Variants in ZNF664 observed in about 807,000 individuals in gnomAD.
ZNF664 encodes zinc finger Organ of Corti 1.
ZNF664 carries 10 observed loss-of-function variants against 18.2 expected under a neutral mutation model. The ratio of observed to expected loss-of-function variants is 0.55; its 90% CI spans 0.34 to 0.93. ZNF664 has a LOEUF of 0.93. ZNF664 is among the 40% of genes least tolerant of loss of function. ZNF664 has a pLI of 0.02. For synonymous variants in ZNF664, 119 were observed against 104.2 expected, an observed-to-expected ratio of 1.14 and a Z score of -0.86; for missense variants, 193 against 319.0, an observed-to-expected ratio of 0.61 and a Z score of 3.01.
intron 3 of ZNF664, among the ~76,000 whole-genome samples, chr12:123,992,485 C>T (rs1231492784): frequency 6.6e-6 from 1 of 152,186 alleles, no homozygotes. Context: ...TGCTCAGAGT[C>T]AGAACTTCTT....
At chr12:124,001,477 C>A (rs1182364480) in intron 3 of ZNF664, among the ~76,000 whole-genome samples, 1 of 152,226 alleles carries the variant, frequency 6.6e-6, no homozygotes, top group Non-Finnish European at 1.5e-5. Flanking sequence ...TGGCCCTGTT[C>A]TGTCCCGTGC....
At chr12:124,003,845 T>C (rs1461324131) in intron 3 of ZNF664, among the ~76,000 whole-genome samples, 2 of 152,152 alleles carry the variant, frequency 1.3e-5, no homozygotes, top group Non-Finnish European at 2.9e-5. Context: ...TGAAGACTTT[T>C]GGAGGAATTT....
At chr12:123,980,123 G>A (rs1956745944) in intron 2 of ZNF664, among the ~76,000 whole-genome samples, 1 of 152,190 alleles carries the variant, frequency 6.6e-6, no homozygotes. Flanking sequence ...AAGGGTGAGT[G>A]TGTGTATATA....
intron 2 of ZNF664, among the ~76,000 whole-genome samples, chr12:123,978,275 A>T (rs1197180137): frequency 2.0e-5 from 3 of 151,884 alleles, no homozygotes; most frequent in Admixed American, 6.6e-5. Context: ...TGAAGAAAAT[A>T]ATGAAGATCC....
intron 3 of ZNF664, among the ~76,000 whole-genome samples, chr12:124,006,877 C>T (rs1957079005): frequency 6.6e-6 from 1 of 152,120 alleles, no homozygotes; most frequent in African/African-American, 2.4e-5. Flanking sequence ...TTGAAAGCCC[C>T]AGTAGGACGT....
chr12:123,979,664 G>A (rs548832203), intron 2 of ZNF664, among the ~76,000 whole-genome samples: 2 of 152,132 alleles, frequency 1.3e-5, no homozygotes, highest in Admixed American at 1.3e-4. Flanking sequence ...GTAGCGTTTT[G>A]TTTTTTGTGG....
chr12:123,974,474 T>C (rs927959031), intron 2 of ZNF664: 2 of 153,830 alleles, frequency 1.3e-5, no homozygotes, highest in African/African-American at 4.8e-5. Flanking sequence ...ATTTCCTTCA[T>C]AGACGCATAG....
intron 2 of ZNF664, among the ~76,000 whole-genome samples, chr12:123,975,107 C>T (rs1956671965): frequency 6.6e-6 from 1 of 152,140 alleles, no homozygotes; most frequent in Non-Finnish European, 1.5e-5. Flanking sequence ...GTTTTCTTTT[C>T]TGTAAATGGC....
chr12:124,003,286 A>G (rs2138428726), intron 3 of ZNF664: 1 of 152,318 alleles, frequency 6.6e-6, no homozygotes, highest in South Asian at 2.1e-4. Flanking sequence ...CACAAGTGGA[A>G]GGGCTGGTCT....
Position 124,013,245 on chromosome 12 carries a change from T to C in ZNF664, c.*315T>C. ...AAGCCACAATCATTGCCCGGCCTCC[T>C]GAGTCACCTTCTATCTATACTTTGC... On this transcript the variant is annotated 3_prime_UTR_variant, in exon 5 of 5. Coordinates refer to ENST00000337815, the MANE Select transcript of ZNF664 (RefSeq NM_152437.3). 2 of 371,818 alleles carry C rather than the reference T, an allele frequency of 5.4e-6. No homozygotes were observed. Among genetic ancestry groups the C allele is most frequent in the Non-Finnish European group, 1.0e-5 (2 of 197,278 alleles). The allele number at this position is 371,818 out of a possible 1,614,324, so 23.0% of individuals were successfully genotyped here.
At chr12:123,980,701 C>CA (rs1217960199) in intron 2 of ZNF664, among the ~76,000 whole-genome samples, 2 of 151,912 alleles carry the variant, frequency 1.3e-5, no homozygotes, top group East Asian at 1.9e-4. Flanking sequence ...GAAAACGCCC[C>CA]AAAAAAAGTC....
At chr12:124,011,262 T>G in intron 3 of ZNF664, 119 bp from the exon 4 acceptor site, 1 of 982,842 alleles carries the variant, frequency 1.0e-6, no homozygotes, top group Non-Finnish European at 1.2e-6. Flanking sequence ...GAGGATTTCT[T>G]TTCTCTTTCA....
At chr12:123,974,731 A>G (rs1019883759) in intron 2 of ZNF664, among the ~76,000 whole-genome samples, 2 of 152,216 alleles carry the variant, frequency 1.3e-5, no homozygotes, top group African/African-American at 4.8e-5. Context: ...GACTGCTTTA[A>G]CAAGGACTGT....
chr12:123,992,443 G>A (rs1044082931), intron 3 of ZNF664, among the ~76,000 whole-genome samples: 4 of 152,110 alleles, frequency 2.6e-5, no homozygotes, highest in Non-Finnish European at 5.9e-5. Context: ...GAGTATAACC[G>A]GGCTGATATC....
chr12:123,983,786 G>A (rs1956793800), intron 2 of ZNF664, among the ~76,000 whole-genome samples: 1 of 152,184 alleles, frequency 6.6e-6, no homozygotes, highest in Non-Finnish European at 1.5e-5. Flanking sequence ...GTGTTGGCTA[G>A]AAAACATGTC....
At chr12:123,979,078 G>C (rs1319304995) in intron 2 of ZNF664, among the ~76,000 whole-genome samples, 5 of 152,188 alleles carry the variant, frequency 3.3e-5, no homozygotes, top group African/African-American at 1.2e-4. Flanking sequence ...CACTGGAAAT[G>C]ATGTGTTTTA....
chr12:123,996,857 G>A (rs1956954306), intron 3 of ZNF664, among the ~76,000 whole-genome samples: 1 of 152,144 alleles, frequency 6.6e-6, no homozygotes. Context: ...CATGTTATAT[G>A]TATTATATAC....
intron 2 of ZNF664, among the ~76,000 whole-genome samples, chr12:123,979,558 C>T (rs893926330): frequency 5.3e-5 from 8 of 152,052 alleles, no homozygotes; most frequent in Non-Finnish European, 7.4e-5. Context: ...GGAGAACATA[C>T]GTTAATATAA....
intron 2 of ZNF664, among the ~76,000 whole-genome samples, chr12:123,976,259 G>A (rs1566192604): frequency 6.6e-6 from 1 of 152,174 alleles, no homozygotes; most frequent in East Asian, 1.9e-4. Context: ...TTTTAGAGTG[G>A]AGAGAAGGGG....
Sources: gnomAD v4.1 joint callset for allele counts (sites outside exome capture counted in the v4.1 genomes callset) on GRCh38, gnomAD v4.1.1 for gene constraint, MANE v1.5 for transcripts, NCBI Gene and HGNC (gene_info 2026-07-23, HGNC 2026-07-21) for gene names.